The following PRKCD variants were observed in gnomAD, a reference collection of about 807,000 sequenced individuals.
PRKCD encodes protein kinase C delta.
In PRKCD, 20 loss-of-function variants were observed where a neutral mutation model predicts 82.2. That is an observed-to-expected ratio of 0.24 (90% CI 0.17 to 0.35). PRKCD has a LOEUF of 0.35. Ranked by LOEUF, PRKCD falls within the 10% of genes least tolerant of loss-of-function variation. The pLI is 1.00. For missense variants in PRKCD, 607 were observed against 899.0 expected, an observed-to-expected ratio of 0.68 and a Z score of 4.15; for synonymous variants, 317 against 337.0, an observed-to-expected ratio of 0.94 and a Z score of 0.65.
Position 53,184,943 on chromosome 3 carries a change from T to C in PRKCD, c.857T>C (p.Leu286Pro). The C allele has an allele frequency of 6.2e-7, 1 of 1,614,004 alleles. No homozygotes were observed. The highest frequency in any genetic ancestry group is 8.5e-7 in the Non-Finnish European group (1 of 1,179,914). ...AACCTCTGCGGCATCAACCAGAAGC[T>C]TTTGGCTGAGGCCTTGAACCAAGTC... ...VANLCGINQK[L>P]LAEALNQVTQ... Residue 286 changes from leucine to proline, a missense_variant, in exon 10 of 19, where the codon CTT becomes CCT. Transcript: ENST00000330452.
chr3:53,166,449 C>T (rs1357699703), intron 2 of PRKCD, among the ~76,000 whole-genome samples: 3 of 152,210 alleles, frequency 2.0e-5, no homozygotes, highest in Non-Finnish European at 2.9e-5. Flanking sequence ...TATGCGTGCT[C>T]ACACAGGGAT....
chr3:53,178,834 G>A (rs971077937), intron 3 of PRKCD, among the ~76,000 whole-genome samples: 8 of 152,330 alleles, frequency 5.3e-5, no homozygotes, highest in African/African-American at 1.7e-4. Flanking sequence ...GGGGCACTGA[G>A]GATACTGTCA....
chr3:53,181,392 G>C, intron 5 of PRKCD, 52 bp from the exon 6 acceptor site: 6 of 1,612,468 alleles, frequency 3.7e-6, no homozygotes, highest in Non-Finnish European at 5.1e-6. Context: ...GACTGTAGGG[G>C]TGCCACCCCT....
rs1403623204 is a variant in PRKCD at position 53,183,113 on chromosome 3, T to C, written c.572-8T>C. 4.3e-6 allele frequency: 7 copies of C among 1,613,992 alleles called. No homozygotes were observed. Among genetic ancestry groups the C allele is most frequent in the Non-Finnish European group, 5.9e-6 (7 of 1,179,970 alleles). ...CCCTTCCCCCTCCTGGGCCTGTGCC[T>C]CTTCAAGAATGTAACGCTGCCATCC... On this transcript the variant is annotated splice_polypyrimidine_tract_variant and splice_region_variant and intron_variant, in intron 7 of 18. Coordinates refer to ENST00000330452, the MANE Select transcript of PRKCD (RefSeq NM_006254.4).
chr3:53,179,508 G>A (rs1553666705), intron 3 of PRKCD, 69 bp from the exon 4 acceptor site: 1 of 1,592,588 alleles, frequency 6.3e-7, no homozygotes, highest in Admixed American at 1.7e-5. Context: ...CCAGGGGAAG[G>A]CCGTGGAGGT....
intron 18 of PRKCD, among the ~76,000 whole-genome samples, chr3:53,190,355 T>C (rs1483247218): frequency 6.6e-6 from 1 of 152,160 alleles, no homozygotes; most frequent in East Asian, 1.9e-4. Context: ...GGAGATGCAG[T>C]CCCAGAACCG....
chr3:53,178,595 A>G, intron 3 of PRKCD, 58 bp downstream of exon 3: 1 of 1,460,432 alleles, frequency 6.8e-7, no homozygotes, highest in Non-Finnish European at 9.4e-7. Context: ...AGCTGGAAGG[A>G]CTGGAGGGGG....
At chr3:53,184,733 G>T in intron 9 of PRKCD, 141 bp from the exon 10 acceptor site, 1 of 612,042 alleles carries the variant, frequency 1.6e-6, no homozygotes, top group Non-Finnish European at 3.0e-6. Flanking sequence ...GATGGCTTCA[G>T]ATCAATGTTT....
At chr3:53,173,943 C>T (rs1404257985) in intron 2 of PRKCD, among the ~76,000 whole-genome samples, 2 of 152,184 alleles carry the variant, frequency 1.3e-5, no homozygotes, top group Non-Finnish European at 2.9e-5. Context: ...CGTCTTCCGT[C>T]CATCTCTACC....
In PRKCD at chr3:53,161,941, T is replaced by G. The variant is rs1253213147; in HGVS notation, c.-132+513T>G. ...CCCCCGGCCCACGCTCGCCGCCCCC[T>G]GCCAGTCCAGCCGCCTCTCCGCTCT... On this transcript the variant is annotated intron_variant, in intron 1 of 18. Coordinates refer to ENST00000330452, the MANE Select transcript of PRKCD (RefSeq NM_006254.4). 7.7e-4 allele frequency among the ~76,000 whole-genome samples: 104 copies of G among 135,872 alleles called. No homozygotes were observed. The East Asian group carries it at 0.021, about 27-fold the overall frequency. The allele number at this position is 135,872 out of a possible 152,430, so 89.1% of individuals were successfully genotyped here.
chr3:53,186,582 C>T (rs1553669168), intron 13 of PRKCD, 22 bp from the exon 14 acceptor site: 1 of 1,597,796 alleles, frequency 6.3e-7, no homozygotes, highest in Non-Finnish European at 8.6e-7. Context: ...CTCACCCCTG[C>T]TCACCACCCT....
intron 2 of PRKCD, among the ~76,000 whole-genome samples, chr3:53,174,215 G>A (rs1270440810): frequency 1.3e-5 from 2 of 152,252 alleles, no homozygotes; most frequent in Non-Finnish European, 2.9e-5. Context: ...TCTTGTAAGT[G>A]GAGGAGCCAA....
At position 53,188,728 on chromosome 3, in the gene PRKCD, A is replaced by T; in HGVS notation, c.1424A>T (p.Lys475Ile). Residue 475 changes from lysine to isoleucine, a missense_variant, in exon 16 of 19, where the codon AAA (lysine) becomes ATA (isoleucine). This residue lies in a region of PRKCD where 251 missense variants were observed against 423.9 expected (regional missense o/e 0.59). Transcript: ENST00000330452. ...CTGTCCCCTGTCCTTAGGGACCTCA[A>T]ACTGGACAATGTGCTGCTGGACCGG... ...HSKGIIYRDL[K>I]LDNVLLDRDG... The T allele has an allele frequency of 6.2e-7, 1 of 1,614,194 alleles. No individual in the cohort carries two copies. Among genetic ancestry groups the T allele is most frequent in the Non-Finnish European group, 8.5e-7 (1 of 1,180,034 alleles).
At chr3:53,188,312 C>A (rs1006815578) in intron 15 of PRKCD, among the ~76,000 whole-genome samples, 2 of 148,112 alleles carry the variant, frequency 1.4e-5, no homozygotes, top group Non-Finnish European at 3.0e-5. Flanking sequence ...AGACTTTGTA[C>A]TGTTTGCCAT....
At chr3:53,186,127 C>A (rs782515148) in intron 12 of PRKCD, 40 bp from the exon 13 acceptor site, 1 of 1,608,954 alleles carries the variant, frequency 6.2e-7, no homozygotes, top group Admixed American at 1.7e-5. Flanking sequence ...GTGGCCCCTG[C>A]CCCGTCCTCA....
chr3:53,186,238 G>A lies in PRKCD; in HGVS notation c.1158G>A (p.Leu386=). The A allele has an allele frequency of 6.2e-7, 1 of 1,614,202 alleles. No homozygotes were observed. The highest frequency in any genetic ancestry group is 1.1e-5 in the South Asian group (1 of 91,086). The change falls in exon 13 of 19, where the codon CTG becomes CTA. Residue 386 remains leucine (L), a synonymous_variant. Coordinates refer to ENST00000330452, the MANE Select transcript of PRKCD (RefSeq NM_006254.4). The stretch of plus-strand genomic sequence containing the variant: ...AGGCCCTCAAGAAGGATGTGGTCCT[G>A]ATCGACGACGACGTGGAGTGCACCA... ...AIKALKKDVV[L]IDDDVECTMV... is the part of the protein sequence containing the mutation.
At chr3:53,173,311 G>A (rs6775022) in intron 2 of PRKCD, among the ~76,000 whole-genome samples, 18,413 of 152,034 alleles carry the variant, frequency 0.12, 1,361 homozygotes, top group East Asian at 0.22. Flanking sequence ...GCCCACTGCC[G>A]GGTACTGGCT....
intron 7 of PRKCD, 98 bp downstream of exon 7, chr3:53,181,830 G>C: frequency 6.5e-7 from 1 of 1,543,322 alleles, no homozygotes; most frequent in Non-Finnish European, 8.9e-7. Flanking sequence ...CGCTCAGAGA[G>C]TGTATGCACG....
rs1053892953 is a variant in PRKCD at position 53,188,638 on chromosome 3, G to T, written c.1416-82G>T. On this transcript the variant is annotated intron_variant, in intron 15 of 18. Transcript: ENST00000330452. ...CTTGGGGACAGTCCTGGACTAATAC[G>T]GCTGAAAATTAGGACATGGGGGGCA... 5 of 1,562,550 alleles carry T rather than the reference G, an allele frequency of 3.2e-6. No homozygotes were observed. In the South Asian group the frequency reaches 4.7e-5, roughly 15 times the overall value.
Sources: allele counts gnomAD v4.1 joint callset (sites outside exome capture counted in the v4.1 genomes callset), GRCh38; gene constraint gnomAD v4.1.1; regional missense constraint gnomAD v4.1.1; transcripts MANE v1.5; gene names NCBI Gene and HGNC (gene_info 2026-07-23, HGNC 2026-07-21).